The following XPR1 variants were observed in gnomAD, a reference collection of about 807,000 sequenced individuals.
XPR1 encodes solute carrier family 53 member 1.
A neutral mutation model predicts 87.5 loss-of-function variants in XPR1; 28 were observed. The observed-to-expected ratio is 0.32, with a 90% confidence interval of 0.24 to 0.44. The LOEUF (loss-of-function observed/expected upper bound fraction) is 0.44, where lower values mean the gene tolerates loss of function less well. Among genes scored for constraint, XPR1 ranks in the 20% least tolerant of loss-of-function variants. The pLI, the probability that XPR1 is intolerant of heterozygous loss-of-function variation, is 1.00. For missense variants in XPR1, 559 were observed against 862.3 expected, an observed-to-expected ratio of 0.65 and a Z score of 4.41; for synonymous variants, 300 against 306.1, an observed-to-expected ratio of 0.98 and a Z score of 0.21.
At chr1:180,692,689 A>G (rs140961661) in intron 2 of XPR1, among the ~76,000 whole-genome samples, 211 of 152,320 alleles carry the variant, frequency 1.4e-3, no homozygotes, top group African/African-American at 4.3e-3. Context: ...GTACTTCTGA[A>G]GAACAAATAG....
intron 1 of XPR1, among the ~76,000 whole-genome samples, chr1:180,644,449 C>T (rs1214366294): frequency 7.0e-6 from 1 of 143,544 alleles, no homozygotes; most frequent in Non-Finnish European, 1.5e-5. Context: ...TGATACTGGT[C>T]TGTGACTTTT....
rs977444967 is a variant in XPR1 at position 180,806,621 on chromosome 1, C to G, written c.681+64C>G. ...ATTTAATAATCAACACAGTATTTAGCTGGCCCCATTATCTTAAAAAAATTT... is the reference window on the plus strand; with the variant it reads ...ATTTAATAATCAACACAGTATTTAGGTGGCCCCATTATCTTAAAAAAATTT... On this transcript the variant is annotated intron_variant, in intron 6 of 14. Coordinates refer to ENST00000367590, the MANE Select transcript of XPR1 (RefSeq NM_004736.4). 3.5e-6 allele frequency: 5 copies of G among 1,437,870 alleles called. No individual in the cohort carries two copies. The African/African-American group carries it at 7.0e-5, about 20-fold the overall frequency. The allele number at this position is 1,437,870 out of a possible 1,614,324, so 89.1% of individuals were successfully genotyped here.
intron 11 of XPR1, among the ~76,000 whole-genome samples, chr1:180,846,118 CA>C (rs1651671182): frequency 6.6e-6 from 1 of 151,838 alleles, no homozygotes; most frequent in Admixed American, 6.6e-5. Flanking sequence ...AAAAATTAGC[CA>C]GGTGGAGTGG....
At chr1:180,676,947 G>A (rs1656387925) in intron 1 of XPR1, among the ~76,000 whole-genome samples, 2 of 152,134 alleles carry the variant, frequency 1.3e-5, no homozygotes, top group South Asian at 4.1e-4. Context: ...TTTGGGTGGG[G>A]TGGGGTACTG....
chr1:180,827,779 T>G (rs1200601934), intron 9 of XPR1, among the ~76,000 whole-genome samples: 1 of 152,204 alleles, frequency 6.6e-6, no homozygotes. Flanking sequence ...TGATTCCTAG[T>G]GAATTAACAA....
At chr1:180,834,086 A>ATTT (rs113763392) in intron 9 of XPR1, among the ~76,000 whole-genome samples, 87 of 146,564 alleles carry the variant, frequency 5.9e-4, no homozygotes, top group African/African-American at 2.0e-3. Context: ...TATTGTAATA[A>ATTT]TTTTTTTTTT....
At chr1:180,784,731 G>C (rs995495956) in intron 2 of XPR1, among the ~76,000 whole-genome samples, 1 of 151,904 alleles carries the variant, frequency 6.6e-6, no homozygotes, top group African/African-American at 2.4e-5. Flanking sequence ...CCCTATTGAT[G>C]TATAATTCAT....
intron 2 of XPR1, among the ~76,000 whole-genome samples, chr1:180,716,830 CTGTT>C (rs1658012726): frequency 1.3e-5 from 2 of 152,152 alleles, no homozygotes; most frequent in Non-Finnish European, 2.9e-5. Context: ...ATTCAGTTTT[CTGTT>C]TGTTTAACTT....
chr1:180,874,096 T>C (rs907988486), intron 13 of XPR1, 154 bp downstream of exon 13: 16 of 953,028 alleles, frequency 1.7e-5, no homozygotes, highest in Admixed American at 2.9e-5. Context: ...TGGAAAACCA[T>C]GTTGGCCAGG....
chr1:180,662,438 A>G (rs1241582496), intron 1 of XPR1, among the ~76,000 whole-genome samples: 1 of 152,130 alleles, frequency 6.6e-6, no homozygotes, highest in African/African-American at 2.4e-5. Flanking sequence ...AGTACTTTAA[A>G]TGTGTCATGC....
intron 2 of XPR1, among the ~76,000 whole-genome samples, chr1:180,729,536 C>G (rs1292824434): frequency 6.6e-6 from 1 of 152,130 alleles, no homozygotes; most frequent in Non-Finnish European, 1.5e-5. Context: ...TTATGTGTTC[C>G]CTTTTGTCCT....
chr1:180,747,962 A>G (rs1647327339), intron 2 of XPR1, among the ~76,000 whole-genome samples: 2 of 152,210 alleles, frequency 1.3e-5, no homozygotes, highest in South Asian at 4.1e-4. Flanking sequence ...ACAAAACAAA[A>G]CAAAACAGAT....
chr1:180,786,115 A>G (rs755365447), intron 2 of XPR1, among the ~76,000 whole-genome samples: 4 of 152,044 alleles, frequency 2.6e-5, no homozygotes, highest in African/African-American at 7.2e-5. Context: ...AACATCCTGC[A>G]TTATCTGATC....
intron 3 of XPR1, among the ~76,000 whole-genome samples, chr1:180,797,845 T>A (rs1027275847): frequency 3.3e-5 from 5 of 152,184 alleles, no homozygotes; most frequent in Non-Finnish European, 5.9e-5. Context: ...GAAGCATTAG[T>A]TATTTCTTTT....
chr1:180,711,214 C>T (rs1229943328), intron 2 of XPR1, among the ~76,000 whole-genome samples: 5 of 151,066 alleles, frequency 3.3e-5, no homozygotes, highest in South Asian at 2.1e-4. Flanking sequence ...GACAGGGTGG[C>T]GGCCGGGCAG....
At chr1:180,707,489 C>T (rs1657597851) in intron 2 of XPR1, among the ~76,000 whole-genome samples, 1 of 152,136 alleles carries the variant, frequency 6.6e-6, no homozygotes, top group African/African-American at 2.4e-5. Context: ...CAAGTTATAC[C>T]TGTCCCTGCT....
chr1:180,687,691 T>A (rs1656833738), intron 2 of XPR1, among the ~76,000 whole-genome samples: 1 of 152,144 alleles, frequency 6.6e-6, no homozygotes. Flanking sequence ...TTTTGTTTCG[T>A]CCTTTGAGAG....
intron 2 of XPR1, among the ~76,000 whole-genome samples, chr1:180,748,861 A>G (rs944130260): frequency 2.0e-5 from 3 of 152,238 alleles, no homozygotes; most frequent in Non-Finnish European, 2.9e-5. Context: ...ATTGGCAAAT[A>G]TGCAAATCAC....
At chr1:180,772,652 A>G (rs1166558784) in intron 2 of XPR1, among the ~76,000 whole-genome samples, 2 of 152,156 alleles carry the variant, frequency 1.3e-5, no homozygotes, top group African/African-American at 2.4e-5. Flanking sequence ...TGCTCTTCTC[A>G]TGATAGTGAA....
Sources: gnomAD v4.1 joint callset for allele counts (sites outside exome capture counted in the v4.1 genomes callset) on GRCh38, gnomAD v4.1.1 for gene constraint, MANE v1.5 for transcripts, NCBI Gene and HGNC (gene_info 2026-07-23, HGNC 2026-07-21) for gene names.